USP12: variants seen among roughly 807,000 people sequenced by gnomAD.
USP12 encodes the protein ubiquitin carboxyl-terminal hydrolase 12.
USP12 carries 19 observed loss-of-function variants against 45.5 expected under a neutral mutation model. The observed-to-expected ratio is 0.42, with a 90% confidence interval of 0.29 to 0.61. USP12 has a LOEUF of 0.61. Among genes scored for constraint, USP12 ranks in the 20% least tolerant of loss-of-function variants. The probability of loss-of-function intolerance (pLI) is 0.22; values close to 1 mark genes in which losing one functional copy is unlikely to be tolerated. For synonymous variants in USP12, 149 were observed against 148.8 expected (o/e 1.00, Z -0.01); for missense variants, 242 against 447.7 (o/e 0.54, Z 4.15).
chr13:27,070,175 T>C (rs139324601), intron 8 of USP12, among the ~76,000 whole-genome samples: 1,789 of 152,286 alleles, frequency 0.012, 16 homozygotes, highest in Non-Finnish European at 0.017. Flanking sequence ...CTCACAAATA[T>C]ATCAATGAGT....
chr13:27,155,524 C>T (rs1282776889), intron 1 of USP12, among the ~76,000 whole-genome samples: 1 of 152,176 alleles, frequency 6.6e-6, no homozygotes, highest in Non-Finnish European at 1.5e-5. Flanking sequence ...TAAATGCACT[C>T]TAATATCCCT....
At chr13:27,087,299 G>A (rs189100960) in intron 6 of USP12, among the ~76,000 whole-genome samples, 7 of 152,154 alleles carry the variant, frequency 4.6e-5, no homozygotes, top group Admixed American at 3.3e-4. Flanking sequence ...ACGCTCGTGT[G>A]CATGCAGGGA....
chr13:27,111,697 T>A (rs1014380615), intron 2 of USP12, among the ~76,000 whole-genome samples: 3 of 152,198 alleles, frequency 2.0e-5, no homozygotes, highest in African/African-American at 7.2e-5. Context: ...ATACATACTA[T>A]GTATATTAAA....
chr13:27,087,832 A>C (rs957345744), intron 6 of USP12, among the ~76,000 whole-genome samples: 3 of 152,252 alleles, frequency 2.0e-5, no homozygotes, highest in African/African-American at 7.2e-5. Flanking sequence ...AGATAATGTG[A>C]GCATGGAAGT....
chr13:27,122,338 C>A (rs1182263298), intron 1 of USP12, among the ~76,000 whole-genome samples: 2 of 152,132 alleles, frequency 1.3e-5, no homozygotes, highest in Non-Finnish European at 2.9e-5. Context: ...TTGCCACCGC[C>A]CTGTAAGAAG....
intron 4 of USP12, among the ~76,000 whole-genome samples, chr13:27,093,309 G>A (rs201044910): frequency 5.4e-5 from 8 of 147,836 alleles, no homozygotes; most frequent in Admixed American, 1.3e-4. Flanking sequence ...AATTATACCC[G>A]AAAAAAAAAA....
intron 7 of USP12, among the ~76,000 whole-genome samples, chr13:27,073,138 AG>A (rs1215559464): frequency 1.3e-5 from 2 of 151,742 alleles, no homozygotes; most frequent in Admixed American, 6.6e-5. Flanking sequence ...AAGAGCGTCA[AG>A]GAAGACTTCC....
intron 2 of USP12, among the ~76,000 whole-genome samples, chr13:27,110,127 T>TAAAAA (rs1555234986): frequency 0.034 from 4,005 of 119,430 alleles, 72 homozygotes; most frequent in Admixed American, 0.051. Context: ...CTTTTCCAGG[T>TAAAAA]AAAAAAAAAA....
intron 1 of USP12, among the ~76,000 whole-genome samples, chr13:27,116,959 C>T (rs1306959962): frequency 6.6e-6 from 1 of 152,078 alleles, no homozygotes; most frequent in African/African-American, 2.4e-5. Context: ...AATGGCCTAA[C>T]GATACATTTC....
chr13:27,157,381 A>C (rs1187827017), intron 1 of USP12, among the ~76,000 whole-genome samples: 2 of 152,172 alleles, frequency 1.3e-5, no homozygotes, highest in Non-Finnish European at 2.9e-5. Context: ...ATTCCCCGTC[A>C]TTACTTTGGG....
chr13:27,142,840 A>C (rs1359422171), intron 1 of USP12, among the ~76,000 whole-genome samples: 1 of 152,198 alleles, frequency 6.6e-6, no homozygotes, highest in African/African-American at 2.4e-5. Flanking sequence ...CTTGCCTGTA[A>C]TCCAAGCACT....
intron 1 of USP12, among the ~76,000 whole-genome samples, chr13:27,137,744 T>C (rs1484337964): frequency 6.6e-6 from 1 of 152,206 alleles, no homozygotes; most frequent in African/African-American, 2.4e-5. Context: ...ACCTGTGAAT[T>C]GCTTCTAACC....
chr13:27,141,207 G>T (rs1877038776), intron 1 of USP12, among the ~76,000 whole-genome samples: 1 of 151,924 alleles, frequency 6.6e-6, no homozygotes, highest in African/African-American at 2.4e-5. Context: ...GTGGAGACAG[G>T]TTTCACCATA....
intron 6 of USP12, among the ~76,000 whole-genome samples, chr13:27,081,088 A>G (rs913348855): frequency 4.2e-5 from 6 of 144,478 alleles, no homozygotes; most frequent in African/African-American, 1.5e-4. Context: ...ATCTTGGCTC[A>G]CTGCAAGATC....
At chr13:27,091,072 C>A (rs918101036) in intron 4 of USP12, among the ~76,000 whole-genome samples, 1 of 151,890 alleles carries the variant, frequency 6.6e-6, no homozygotes, top group Non-Finnish European at 1.5e-5. Context: ...TTCCACTGTA[C>A]GATGGAAGAT....
chr13:27,087,466 C>T (rs981609062), intron 6 of USP12, among the ~76,000 whole-genome samples: 4 of 152,032 alleles, frequency 2.6e-5, no homozygotes, highest in Non-Finnish European at 4.4e-5. Flanking sequence ...TGTGTATTCA[C>T]GGTTTTCAGT....
chr13:27,133,031 A>G (rs909047092), intron 1 of USP12, among the ~76,000 whole-genome samples: 15 of 152,228 alleles, frequency 9.9e-5, no homozygotes, highest in Admixed American at 4.6e-4. Context: ...GGCTCTCTCA[A>G]GAAGCCCAGG....
Position 27,071,128 on chromosome 13 carries a change from A to G in USP12, c.954T>C (p.Tyr318=), listed in dbSNP as rs144679913. ...AATCATGACTCTTAACTATTGCAAT[A>G]TAATGGCCTCGATTGGGACCACTAA... is the stretch of plus-strand genomic sequence containing the variant. The part of the protein sequence containing the change: ...HCGSGPNRGH[Y]IAIVKSHDFW... Residue 318 remains tyrosine, a synonymous_variant, in exon 8 of 9, where the codon TAT becomes TAC. Transcript: ENST00000282344. 4.4e-5 allele frequency: 71 copies of G among 1,608,490 alleles called. No homozygotes were observed. Among genetic ancestry groups the G allele is most frequent in the Non-Finnish European group, 5.9e-5 (69 of 1,178,284 alleles).
chr13:27,165,515 C>A (rs1593219156), intron 1 of USP12, among the ~76,000 whole-genome samples: 1 of 152,164 alleles, frequency 6.6e-6, no homozygotes, highest in East Asian at 1.9e-4. Context: ...GCAGTAACAG[C>A]CAACATGACA....
Sources: gnomAD v4.1 joint callset for allele counts (sites outside exome capture counted in the v4.1 genomes callset) on GRCh38, gnomAD v4.1.1 for gene constraint, MANE v1.5 for transcripts, NCBI Gene and HGNC (gene_info 2026-07-23, HGNC 2026-07-21) for gene names.